The following KCTD8 variants were observed in gnomAD, a reference collection of about 807,000 sequenced individuals.
The protein encoded by KCTD8 is BTB/POZ domain-containing protein KCTD8.
KCTD8 carries 27 observed loss-of-function variants against 31.5 expected under a neutral mutation model. That is an observed-to-expected ratio of 0.86 (90% CI 0.63 to 1.18). KCTD8 has a LOEUF of 1.18. Ranked by LOEUF, KCTD8 falls within the 50% of genes most tolerant of loss-of-function variation. KCTD8 has a pLI of 0.00. For synonymous variants in KCTD8, 290 were observed against 280.0 expected (o/e 1.04, Z -0.36); for missense variants, 658 against 647.7 (o/e 1.02, Z -0.17).
chr4:44,250,255 T>C (rs1048828608), intron 1 of KCTD8, among the ~76,000 whole-genome samples: 2 of 151,882 alleles, frequency 1.3e-5, no homozygotes, highest in African/African-American at 4.8e-5. Context: ...TCACCAGAAA[T>C]ATACTAGTTT....
At chr4:44,411,428 AAG>A (rs1720954080) in intron 1 of KCTD8, among the ~76,000 whole-genome samples, 1 of 151,872 alleles carries the variant, frequency 6.6e-6, no homozygotes, top group African/African-American at 2.4e-5. Flanking sequence ...AATGATGTAA[AAG>A]AGTTATATTC....
chr4:44,182,865 TCTC>T (rs2109331237), intron 1 of KCTD8, among the ~76,000 whole-genome samples: 1 of 152,274 alleles, frequency 6.6e-6, no homozygotes, highest in East Asian at 1.9e-4. Flanking sequence ...TGGGCCTCAG[TCTC>T]CTCATGTTTA....
intron 1 of KCTD8, among the ~76,000 whole-genome samples, chr4:44,412,536 T>G (rs1291639869): frequency 6.6e-6 from 1 of 152,188 alleles, no homozygotes; most frequent in African/African-American, 2.4e-5. Flanking sequence ...GCAATACCTT[T>G]ATGGCTTGGA....
intron 1 of KCTD8, among the ~76,000 whole-genome samples, chr4:44,203,257 C>G (rs564077016): frequency 6.6e-6 from 1 of 152,080 alleles, no homozygotes; most frequent in African/African-American, 2.4e-5. Flanking sequence ...AATCCCAACA[C>G]GTTGGGAGGC....
intron 1 of KCTD8, among the ~76,000 whole-genome samples, chr4:44,302,501 A>G (rs1717657605): frequency 6.6e-6 from 1 of 152,112 alleles, no homozygotes; most frequent in Non-Finnish European, 1.5e-5. Context: ...GAGTTCACTC[A>G]TGATTTGGCT....
intron 1 of KCTD8, among the ~76,000 whole-genome samples, chr4:44,200,995 G>A (rs1234431351): frequency 2.6e-5 from 4 of 151,856 alleles, no homozygotes; most frequent in Non-Finnish European, 5.9e-5. Flanking sequence ...AAAATCAATG[G>A]CATTGTTATG....
chr4:44,323,246 C>T (rs1411269051), intron 1 of KCTD8, among the ~76,000 whole-genome samples: 1 of 151,910 alleles, frequency 6.6e-6, no homozygotes, highest in Non-Finnish European at 1.5e-5. Context: ...GTAATCCTAG[C>T]ACTTTGGGAG....
intron 1 of KCTD8, among the ~76,000 whole-genome samples, chr4:44,260,430 G>T (rs1050663889): frequency 6.6e-6 from 1 of 151,806 alleles, no homozygotes; most frequent in Non-Finnish European, 1.5e-5. Flanking sequence ...ATAAACAAAA[G>T]TATATAAAAT....
At chr4:44,346,395 C>A (rs1301725644) in intron 1 of KCTD8, among the ~76,000 whole-genome samples, 1 of 152,030 alleles carries the variant, frequency 6.6e-6, no homozygotes, top group Non-Finnish European at 1.5e-5. Flanking sequence ...ATTTTAAATT[C>A]AACTCCCATG....
chr4:44,176,569 A>G lies in KCTD8; in HGVS notation c.962-1319T>C, dbSNP rs1391653192. On this transcript the variant is annotated intron_variant, in intron 1 of 1. Coordinates refer to ENST00000360029, the MANE Select transcript of KCTD8 (RefSeq NM_198353.3). ...CTTAAAAGCAGCTCCTATGTGCAAC[A>G]CTGCTGGTTTCTATCACCATTTTTT... Among the ~76,000 whole-genome samples the G allele has an allele frequency of 2.0e-5, 3 of 152,334 alleles. No homozygotes were observed. In the East Asian group the frequency reaches 5.8e-4, roughly 29 times the overall value.
chr4:44,439,966 C>G (rs1015812483), intron 1 of KCTD8, among the ~76,000 whole-genome samples: 36 of 151,688 alleles, frequency 2.4e-4, no homozygotes, highest in African/African-American at 6.5e-4. Flanking sequence ...GAGTCTCACT[C>G]TGTTTCCCAG....
chr4:44,264,542 G>T (rs911622868), intron 1 of KCTD8, among the ~76,000 whole-genome samples: 3 of 152,312 alleles, frequency 2.0e-5, no homozygotes, highest in East Asian at 3.9e-4. Flanking sequence ...GCGCAGGACA[G>T]CGGGTGCAGT....
intron 1 of KCTD8, among the ~76,000 whole-genome samples, chr4:44,422,829 G>C (rs1273403284): frequency 6.6e-6 from 1 of 152,078 alleles, no homozygotes; most frequent in Admixed American, 6.6e-5. Context: ...GCCTAGGATA[G>C]TATTTGACAG....
At chr4:44,288,693 TC>T (rs1252908306) in intron 1 of KCTD8, among the ~76,000 whole-genome samples, 2 of 152,186 alleles carry the variant, frequency 1.3e-5, no homozygotes, top group African/African-American at 4.8e-5. Context: ...TTACATCTGT[TC>T]TTCTATCTCA....
chr4:44,400,853 T>A (rs1394772671), intron 1 of KCTD8, among the ~76,000 whole-genome samples: 1 of 151,948 alleles, frequency 6.6e-6, no homozygotes, highest in Non-Finnish European at 1.5e-5. Context: ...AGTAATATTT[T>A]TTTTTTAGTT....
At chr4:44,398,112 G>A (rs992087455) in intron 1 of KCTD8, among the ~76,000 whole-genome samples, 4 of 152,088 alleles carry the variant, frequency 2.6e-5, no homozygotes, top group African/African-American at 4.8e-5. Context: ...AAGGAATCAC[G>A]AGAAAATCTT....
chr4:44,306,198 GA>G (rs1469434828), intron 1 of KCTD8, among the ~76,000 whole-genome samples: 1 of 151,858 alleles, frequency 6.6e-6, no homozygotes. Context: ...AATAGAAAAT[GA>G]AGACAAAAAC....
At chr4:44,243,395 C>T (rs921863315) in intron 1 of KCTD8, among the ~76,000 whole-genome samples, 3 of 152,098 alleles carry the variant, frequency 2.0e-5, no homozygotes, top group Admixed American at 2.0e-4. Flanking sequence ...TACAGTACAC[C>T]ATATACAAAC....
At chr4:44,376,403 A>AC (rs1454680012) in intron 1 of KCTD8, among the ~76,000 whole-genome samples, 1 of 152,158 alleles carries the variant, frequency 6.6e-6, no homozygotes, top group African/African-American at 2.4e-5. Context: ...CACCACCCCT[A>AC]CTTCAGCCTT....
Sources: gnomAD v4.1 joint callset for allele counts (sites outside exome capture counted in the v4.1 genomes callset) on GRCh38, gnomAD v4.1.1 for gene constraint, MANE v1.5 for transcripts, NCBI Gene and HGNC (gene_info 2026-07-23, HGNC 2026-07-21) for gene names.